GPHN: variants seen among roughly 807,000 people sequenced by gnomAD.
GPHN encodes the protein gephyrin.
Under a neutral mutation model 95.5 loss-of-function variants are expected in GPHN, and 17 were observed. The ratio of observed to expected loss-of-function variants is 0.18; its 90% CI spans 0.12 to 0.27. The LOEUF (loss-of-function observed/expected upper bound fraction) is 0.27. Among genes scored for constraint, GPHN ranks in the 10% least tolerant of loss-of-function variants. The pLI is 1.00. For synonymous variants in GPHN, 320 were observed against 322.5 expected (o/e 0.99, Z 0.08); for missense variants, 660 against 978.1 (o/e 0.67, Z 4.34).
intron 4 of GPHN, among the ~76,000 whole-genome samples, chr14:66,828,642 G>A (rs1283016558): frequency 6.6e-6 from 1 of 151,976 alleles, no homozygotes; most frequent in African/African-American, 2.4e-5. Context: ...AAAATTGTTT[G>A]TGGATGTGTG....
At position 66,605,784 on chromosome 14, in the gene GPHN, G is replaced by A. The variant is rs147055502; in HGVS notation, c.65-75323G>A. On this transcript the variant is annotated intron_variant, in intron 1 of 22. Coordinates refer to ENST00000478722, the MANE Select transcript of GPHN (RefSeq NM_020806.5). ...CCTGACCTCTTGATCTGCCCGCCTC[G>A]GCCTCCCAAAGTGCTGGGATTACAG... Among the ~76,000 whole-genome samples the A allele has an allele frequency of 4.1e-3, 628 of 151,990 alleles. 3 individuals carry two copies. The highest frequency in any genetic ancestry group is 7.4e-3 in the Non-Finnish European group (503 of 67,950).
intron 5 of GPHN, among the ~76,000 whole-genome samples, chr14:66,899,866 G>T (rs1020503079): frequency 6.6e-6 from 1 of 151,776 alleles, no homozygotes; most frequent in African/African-American, 2.4e-5. Flanking sequence ...ACATTTCAGA[G>T]AATTCACTAG....
chr14:67,347,090 C>T, the GPHN span, among the ~76,000 whole-genome samples: 1 of 152,052 alleles, frequency 6.6e-6, no homozygotes, highest in Non-Finnish European at 1.5e-5. Flanking sequence ...CTCAAGCAAT[C>T]CTCCCTCCTC....
At chr14:67,383,449 G>A in the GPHN span, 2 of 1,612,276 alleles carry the variant, frequency 1.2e-6, no homozygotes, top group Non-Finnish European at 1.7e-6. Context: ...AACTTTGTGG[G>A]AAACAGAGTC....
intron 1 of GPHN, among the ~76,000 whole-genome samples, chr14:66,561,205 T>C (rs1180067320): frequency 2.6e-5 from 4 of 152,160 alleles, no homozygotes; most frequent in Non-Finnish European, 4.4e-5. Context: ...AAAATCTCTT[T>C]TTTGGTTGTG....
intron 1 of GPHN, among the ~76,000 whole-genome samples, chr14:66,676,664 C>T (rs72726479): frequency 0.041 from 5,604 of 136,420 alleles, 164 homozygotes; most frequent in Middle Eastern, 0.066. Flanking sequence ...TCCACTCAAT[C>T]GTAGTGTATT....
At chr14:67,406,204 A>G in the GPHN span, among the ~76,000 whole-genome samples, 2 of 150,968 alleles carry the variant, frequency 1.3e-5, no homozygotes, top group African/African-American at 2.5e-5. Flanking sequence ...GGTTGCAGTG[A>G]GCCAAGATGG....
the GPHN span, among the ~76,000 whole-genome samples, chr14:67,538,921 T>C: frequency 6.6e-6 from 1 of 152,216 alleles, no homozygotes; most frequent in African/African-American, 2.4e-5. Flanking sequence ...TCCAAAGTAC[T>C]TGGAGATTTT....
chr14:66,754,977 C>T (rs8012158), intron 2 of GPHN, among the ~76,000 whole-genome samples: 47,331 of 151,850 alleles, frequency 0.31, 11,209 homozygotes, highest in African/African-American at 0.64. Context: ...ATGATGAAAT[C>T]CTGCACTCAA....
chr14:66,857,016 G>A (rs1049666374), intron 4 of GPHN, among the ~76,000 whole-genome samples: 28 of 152,018 alleles, frequency 1.8e-4, no homozygotes, highest in African/African-American at 6.7e-4. Context: ...CTGAAACACT[G>A]GATAAATTCT....
At chr14:66,716,889 A>AT in intron 2 of GPHN, among the ~76,000 whole-genome samples, 1 of 152,262 alleles carries the variant, frequency 6.6e-6, no homozygotes, top group African/African-American at 2.4e-5. Context: ...ATCTGTGGTT[A>AT]ATCTAAGTTT....
At chr14:67,175,152 C>T (rs914149538) in intron 21 of GPHN, among the ~76,000 whole-genome samples, 4 of 152,164 alleles carry the variant, frequency 2.6e-5, no homozygotes, top group African/African-American at 9.7e-5. Context: ...AGTCCTTGCC[C>T]ATGCCTATGT....
At chr14:67,022,567 TGG>T (rs2073701164) in intron 9 of GPHN, among the ~76,000 whole-genome samples, 5 of 78,774 alleles carry the variant, frequency 6.3e-5, no homozygotes, top group Admixed American at 1.5e-4. Flanking sequence ...TTTTTTTTTT[TGG>T]TGTGTGTGTG....
intron 4 of GPHN, among the ~76,000 whole-genome samples, chr14:66,843,723 GCTAT>G (rs751763415): frequency 1.3e-5 from 2 of 152,028 alleles, no homozygotes; most frequent in African/African-American, 2.4e-5. Context: ...AAAATGCTTT[GCTAT>G]CTAACAGCCC....
intron 10 of GPHN, among the ~76,000 whole-genome samples, chr14:67,055,330 A>G (rs1203057390): frequency 6.6e-6 from 1 of 152,232 alleles, no homozygotes; most frequent in Non-Finnish European, 1.5e-5. Flanking sequence ...AACATCACTG[A>G]TCATTAGAGA....
intron 8 of GPHN, among the ~76,000 whole-genome samples, chr14:66,934,200 C>T (rs903003515): frequency 6.7e-6 from 1 of 149,328 alleles, no homozygotes. Flanking sequence ...TAAATTACTT[C>T]TTTACCTTCC....
intron 1 of GPHN, among the ~76,000 whole-genome samples, chr14:66,542,535 C>T (rs1428055734): frequency 6.6e-6 from 1 of 152,164 alleles, no homozygotes; most frequent in Non-Finnish European, 1.5e-5. Flanking sequence ...TAACCAATCC[C>T]TTCGTTTGTG....
At chr14:66,648,025 A>C (rs900017704) in intron 1 of GPHN, among the ~76,000 whole-genome samples, 2 of 152,174 alleles carry the variant, frequency 1.3e-5, no homozygotes, top group Non-Finnish European at 2.9e-5. Context: ...TATATAAATC[A>C]GTTGATTTTT....
chr14:67,376,862 A>T, the GPHN span, among the ~76,000 whole-genome samples: 1 of 152,190 alleles, frequency 6.6e-6, no homozygotes, highest in Admixed American at 6.5e-5. Flanking sequence ...ATGTCTCACC[A>T]AAAACTATAA....
Sources: gnomAD v4.1 joint callset for allele counts (sites outside exome capture counted in the v4.1 genomes callset) on GRCh38, gnomAD v4.1.1 for gene constraint, MANE v1.5 for transcripts, NCBI Gene and HGNC (gene_info 2026-07-23, HGNC 2026-07-21) for gene names.